Variants in TBCK observed in about 807,000 individuals in gnomAD.
The protein encoded by TBCK is TBC1 domain containing kinase, also known as TBC domain-containing protein kinase-like protein.
TBCK carries 99 observed loss-of-function variants against 113.4 expected under a neutral mutation model. That is an observed-to-expected ratio of 0.87 (90% CI 0.74 to 1.03). TBCK has a LOEUF of 1.03. Among genes scored for constraint, TBCK ranks in the 50% least tolerant of loss-of-function variants. TBCK has a pLI of 0.00. For missense variants in TBCK, 1,045 were observed against 1,061.3 expected, an observed-to-expected ratio of 0.98 and a Z score of 0.21; for synonymous variants, 369 against 370.8, an observed-to-expected ratio of 1.00 and a Z score of 0.05.
chr4:106,307,571 A>T (rs760533558), intron 2 of TBCK, among the ~76,000 whole-genome samples: 1 of 152,182 alleles, frequency 6.6e-6, no homozygotes, highest in Non-Finnish European at 1.5e-5. Flanking sequence ...TGCATTTATC[A>T]GGGTTTTTAA....
chr4:106,106,751 G>A (rs1254387375), intron 24 of TBCK, among the ~76,000 whole-genome samples: 2 of 151,976 alleles, frequency 1.3e-5, no homozygotes, highest in African/African-American at 4.8e-5. Flanking sequence ...ATAACCACCA[G>A]CTAACAGCAC....
At chr4:106,135,981 A>G (rs1372719306) in intron 23 of TBCK, among the ~76,000 whole-genome samples, 2 of 141,660 alleles carry the variant, frequency 1.4e-5, no homozygotes, top group Non-Finnish European at 3.2e-5. Flanking sequence ...TAATAACAGT[A>G]TCTTAGGAAT....
At chr4:106,096,530 C>G (rs897178619) in intron 24 of TBCK, among the ~76,000 whole-genome samples, 1 of 152,168 alleles carries the variant, frequency 6.6e-6, no homozygotes, top group South Asian at 2.1e-4. Flanking sequence ...CAATACAAAT[C>G]TATCCTGGTG....
At chr4:106,263,382 TA>T (rs2150105160) in intron 3 of TBCK, among the ~76,000 whole-genome samples, 1 of 151,992 alleles carries the variant, frequency 6.6e-6, no homozygotes, top group African/African-American at 2.4e-5. Flanking sequence ...AATTAAAACA[TA>T]AGGATTGTCA....
intron 3 of TBCK, among the ~76,000 whole-genome samples, chr4:106,282,257 T>C (rs1764672760): frequency 1.3e-5 from 2 of 152,094 alleles, no homozygotes; most frequent in Non-Finnish European, 2.9e-5. Flanking sequence ...TGATGTCTCC[T>C]TTCTCATCTC....
chr4:106,244,831 G>GC, intron 10 of TBCK, 67 bp from the exon 11 acceptor site: 9 of 932,818 alleles, frequency 9.6e-6, no homozygotes, highest in South Asian at 4.2e-5. Context: ...TCAACAGGCA[G>GC]TAATAGCTGC....
chr4:106,195,746 C>A (rs1374277804), intron 20 of TBCK, among the ~76,000 whole-genome samples: 2 of 151,964 alleles, frequency 1.3e-5, no homozygotes, highest in African/African-American at 4.8e-5. Context: ...GGTTCTCAGA[C>A]CTTTGGAATC....
chr4:106,071,052 T>C (rs1737364624), intron 25 of TBCK, among the ~76,000 whole-genome samples: 1 of 152,168 alleles, frequency 6.6e-6, no homozygotes, highest in East Asian at 1.9e-4. Context: ...AAACCAGCTC[T>C]TGGATTCAGT....
intron 23 of TBCK, among the ~76,000 whole-genome samples, chr4:106,151,041 TTTTTA>T (rs145419743): frequency 0.032 from 4,893 of 152,052 alleles, 381 homozygotes; most frequent in East Asian, 0.27. Flanking sequence ...AAACTTTTAT[TTTTTA>T]TTTTTCATTT....
intron 23 of TBCK, among the ~76,000 whole-genome samples, chr4:106,119,157 T>G (rs1333359552): frequency 6.6e-6 from 1 of 152,218 alleles, no homozygotes; most frequent in Non-Finnish European, 1.5e-5. Flanking sequence ...TATTTAGTAT[T>G]ATAGATATTG....
intron 19 of TBCK, among the ~76,000 whole-genome samples, chr4:106,225,658 C>T (rs944486269): frequency 3.9e-5 from 6 of 152,052 alleles, no homozygotes; most frequent in Admixed American, 6.5e-5. Flanking sequence ...AGGGTTTCAC[C>T]GTGTTGGCCA....
At chr4:106,048,350 T>TC (rs2149441207) in intron 25 of TBCK, among the ~76,000 whole-genome samples, 1 of 152,208 alleles carries the variant, frequency 6.6e-6, no homozygotes, top group South Asian at 2.1e-4. Context: ...CCACAGAGAT[T>TC]CAAACGGCTG....
At chr4:106,167,788 T>C (rs1232989811) in intron 23 of TBCK, among the ~76,000 whole-genome samples, 1 of 151,596 alleles carries the variant, frequency 6.6e-6, no homozygotes, top group African/African-American at 2.4e-5. Flanking sequence ...AGACACAATA[T>C]GACAAAACTT....
rs750598226 is a variant in TBCK at position 106,116,296 on chromosome 4, T to C, written c.2318A>G (p.Glu773Gly). ...TTTGAAGTGGCCTGTCACTGTGAGC[T>C]CACACAAGTCAATCAGGTCCTCTGC... is the stretch of plus-strand genomic sequence containing the variant. Reference protein sequence around the residue: ...ISAEDLIDLCELTVTGHFKTP... With the variant: ...ISAEDLIDLCGLTVTGHFKTP... The change falls in exon 24 of 26, where the codon GAG becomes GGG. Residue 773 changes from glutamate to glycine, a missense_variant. Transcript: ENST00000394708. 2.5e-6 allele frequency: 4 copies of C among 1,613,916 alleles called. No homozygotes were observed. Among genetic ancestry groups the C allele is most frequent in the Non-Finnish European group, 3.4e-6 (4 of 1,179,992 alleles).
chr4:106,248,399 T>C (rs549039492), intron 8 of TBCK, 93 bp from the exon 9 acceptor site: 1 of 885,232 alleles, frequency 1.1e-6, no homozygotes, highest in Admixed American at 3.3e-5. Context: ...GTTTTTGATG[T>C]TTTTAAAGTT....
At chr4:106,245,322 G>A (rs577082701) in intron 10 of TBCK, among the ~76,000 whole-genome samples, 1 of 152,280 alleles carries the variant, frequency 6.6e-6, no homozygotes, top group Admixed American at 6.5e-5. Flanking sequence ...AATGAGCACT[G>A]TTCTTAACAA....
chr4:106,104,276 C>T (rs1741886121), intron 24 of TBCK, among the ~76,000 whole-genome samples: 1 of 152,208 alleles, frequency 6.6e-6, no homozygotes, highest in Admixed American at 6.5e-5. Context: ...GACCTACTGG[C>T]TTGGGATCCA....
chr4:106,081,298 T>C (rs1057350366), intron 25 of TBCK, among the ~76,000 whole-genome samples: 1 of 152,134 alleles, frequency 6.6e-6, no homozygotes, highest in African/African-American at 2.4e-5. Context: ...ACATCAATGA[T>C]AGACTGGTAG....
At chr4:106,313,411 A>G (rs1768401394) in intron 1 of TBCK, among the ~76,000 whole-genome samples, 1 of 152,172 alleles carries the variant, frequency 6.6e-6, no homozygotes, top group Non-Finnish European at 1.5e-5. Flanking sequence ...ACATGGAAGG[A>G]TTGAGAGTTG....
Sources: allele counts gnomAD v4.1 joint callset (sites outside exome capture counted in the v4.1 genomes callset), GRCh38; gene constraint gnomAD v4.1.1; transcripts MANE v1.5; gene names NCBI Gene and HGNC (gene_info 2026-07-23, HGNC 2026-07-21).